Variants in LRRC4C observed in about 807,000 individuals in gnomAD.
LRRC4C encodes leucine-rich repeat-containing protein 4C.
In LRRC4C, 5 loss-of-function variants were observed where a neutral mutation model predicts 33.6. That is an observed-to-expected ratio of 0.15 (90% CI 0.08 to 0.31). The LOEUF (loss-of-function observed/expected upper bound fraction) is 0.31. Ranked by LOEUF, LRRC4C falls within the 10% of genes least tolerant of loss-of-function variation. The pLI is 1.00. For missense variants in LRRC4C, 560 were observed against 796.7 expected (o/e 0.70, Z 3.58); for synonymous variants, 329 against 302.0 (o/e 1.09, Z -0.93).
chr11:40,745,019 A>G (rs1948347334), intron 2 of LRRC4C, among the ~76,000 whole-genome samples: 1 of 152,218 alleles, frequency 6.6e-6, no homozygotes. Flanking sequence ...AAGGCATTGC[A>G]TAAAATAATA....
chr11:40,499,883 G>A (rs185160184), intron 3 of LRRC4C, among the ~76,000 whole-genome samples: 1 of 152,192 alleles, frequency 6.6e-6, no homozygotes, highest in Non-Finnish European at 1.5e-5. Flanking sequence ...ATCGTCATGG[G>A]AGAGAAAGTT....
intron 2 of LRRC4C, among the ~76,000 whole-genome samples, chr11:40,792,352 G>A (rs1325497330): frequency 2.0e-5 from 3 of 152,014 alleles, no homozygotes; most frequent in Non-Finnish European, 2.9e-5. Flanking sequence ...GCAGACTGGT[G>A]TAAAAAGAAG....
intron 2 of LRRC4C, among the ~76,000 whole-genome samples, chr11:40,843,302 T>C (rs868276705): frequency 2.0e-4 from 30 of 152,176 alleles, no homozygotes; most frequent in African/African-American, 6.3e-4. Context: ...AGACCAACCC[T>C]ATGTACTAGG....
chr11:41,159,545 A>T (rs965469923), intron 1 of LRRC4C, among the ~76,000 whole-genome samples: 1 of 152,168 alleles, frequency 6.6e-6, no homozygotes, highest in African/African-American at 2.4e-5. Context: ...AAAATACCAT[A>T]AACAATAATA....
chr11:41,098,809 AG>A (rs1940977104), intron 1 of LRRC4C, among the ~76,000 whole-genome samples: 1 of 152,168 alleles, frequency 6.6e-6, no homozygotes, highest in Non-Finnish European at 1.5e-5. Context: ...CCAACAAAAA[AG>A]TTAGCAGAAG....
In LRRC4C at chr11:41,076,098, A is replaced by G. The variant is rs140915437; in HGVS notation, c.-495-142375T>C. On this transcript the variant is annotated intron_variant, in intron 1 of 6. Transcript: ENST00000528697. ...TCATCTCCATAGATGATCTCGTCCA[A>G]TCTCAAGCCTTTAACTAGTATCTAT... Among the ~76,000 whole-genome samples, 507 of 152,216 alleles carry G rather than the reference A, an allele frequency of 3.3e-3. 3 individuals are homozygous for G. Among genetic ancestry groups the G allele is most frequent in the African/African-American group, 0.011 (461 of 41,522 alleles).
intron 1 of LRRC4C, among the ~76,000 whole-genome samples, chr11:41,350,559 A>G (rs1253498803): frequency 2.0e-5 from 3 of 151,964 alleles, no homozygotes; most frequent in Non-Finnish European, 4.4e-5. Flanking sequence ...CAATCTGTGC[A>G]TATAGACCAT....
intron 3 of LRRC4C, among the ~76,000 whole-genome samples, chr11:40,578,097 G>T (rs1456483711): frequency 7.3e-6 from 1 of 137,900 alleles, no homozygotes; most frequent in Non-Finnish European, 1.5e-5. Flanking sequence ...GCCTCCCAAA[G>T]TGCTGGGATT....
intron 1 of LRRC4C, among the ~76,000 whole-genome samples, chr11:41,401,020 T>C (rs1954005973): frequency 6.6e-6 from 1 of 151,872 alleles, no homozygotes; most frequent in African/African-American, 2.4e-5. Context: ...CTGAGCACTA[T>C]TTTGGCAGAC....
chr11:41,275,540 G>A (rs1949456543), intron 1 of LRRC4C, among the ~76,000 whole-genome samples: 1 of 152,190 alleles, frequency 6.6e-6, no homozygotes, highest in Non-Finnish European at 1.5e-5. Context: ...GCTCAGAATT[G>A]TTTTAAGGCA....
Position 40,217,248 on chromosome 11 carries a change from C to G in LRRC4C, c.-96+24271G>C, listed in dbSNP as rs536519865. Among the ~76,000 whole-genome samples the G allele has an allele frequency of 1.4e-4, 21 of 152,068 alleles. No individual in the cohort carries two copies. The South Asian group carries it at 2.5e-3, about 18-fold the overall frequency. ...TGAATTATCTCATGTAATATAATAA[C>G]TTTATAATATAGGTAATATTAATAT... On this transcript the variant is annotated intron_variant, in intron 5 of 6. Coordinates refer to ENST00000528697, the MANE Select transcript of LRRC4C (RefSeq NM_001258419.2).
At chr11:40,470,347 A>C (rs1367227576) in intron 3 of LRRC4C, among the ~76,000 whole-genome samples, 1 of 152,216 alleles carries the variant, frequency 6.6e-6, no homozygotes, top group Non-Finnish European at 1.5e-5. Flanking sequence ...AACATCAACA[A>C]AAAGGACATC....
chr11:41,029,971 A>G (rs1398074490), intron 1 of LRRC4C, among the ~76,000 whole-genome samples: 2 of 151,810 alleles, frequency 1.3e-5, no homozygotes, highest in East Asian at 1.9e-4. Flanking sequence ...ATCCAAGGAT[A>G]AATAGAAATT....
intron 1 of LRRC4C, among the ~76,000 whole-genome samples, chr11:41,118,265 C>T (rs1386980427): frequency 6.6e-6 from 1 of 152,130 alleles, no homozygotes; most frequent in African/African-American, 2.4e-5. Context: ...AGATGTGGAG[C>T]TTGGCTTCCC....
intron 4 of LRRC4C, among the ~76,000 whole-genome samples, chr11:40,289,194 G>A (rs1387844588): frequency 6.6e-6 from 1 of 152,104 alleles, no homozygotes; most frequent in Non-Finnish European, 1.5e-5. Context: ...TGCTCGAACT[G>A]TTAAAGTGCT....
intron 1 of LRRC4C, among the ~76,000 whole-genome samples, chr11:41,174,081 C>A (rs566264429): frequency 2.0e-3 from 306 of 152,078 alleles, no homozygotes; most frequent in African/African-American, 6.9e-3. Context: ...CCAATGAAAT[C>A]ATATTGCCTA....
intron 6 of LRRC4C, among the ~76,000 whole-genome samples, chr11:40,134,999 G>A (rs892777743): frequency 6.6e-6 from 1 of 152,192 alleles, no homozygotes; most frequent in African/African-American, 2.4e-5. Flanking sequence ...GGAGGAAACA[G>A]AGTAGACTCT....
At chr11:40,327,361 T>C (rs1166107456) in intron 3 of LRRC4C, among the ~76,000 whole-genome samples, 1 of 152,134 alleles carries the variant, frequency 6.6e-6, no homozygotes, top group Non-Finnish European at 1.5e-5. Flanking sequence ...ATGGGAAATC[T>C]CAGTGTTTCA....
intron 1 of LRRC4C, among the ~76,000 whole-genome samples, chr11:41,104,229 G>A (rs546268896): frequency 1.3e-4 from 19 of 151,794 alleles, no homozygotes; most frequent in South Asian, 2.1e-4. Flanking sequence ...ATCCAAAAAC[G>A]TAAATAACCA....
Sources: gnomAD v4.1 joint callset for allele counts (sites outside exome capture counted in the v4.1 genomes callset) on GRCh38, gnomAD v4.1.1 for gene constraint, MANE v1.5 for transcripts, NCBI Gene and HGNC (gene_info 2026-07-23, HGNC 2026-07-21) for gene names.